Variants in MAPK10 observed in about 807,000 individuals in gnomAD.
MAPK10 encodes the protein JNK3 alpha protein kinase.
In MAPK10, 25 loss-of-function variants were observed where a neutral mutation model predicts 59.3. The observed-to-expected ratio is 0.42, with a 90% CI of 0.31 to 0.59. The LOEUF (loss-of-function observed/expected upper bound fraction) is 0.59, where lower values mean the gene tolerates loss of function less well. Ranked by LOEUF, MAPK10 falls within the 20% of genes least tolerant of loss-of-function variation. The probability of loss-of-function intolerance (pLI) is 0.15; values close to 1 mark genes in which losing one functional copy is unlikely to be tolerated. For missense variants in MAPK10, 351 were observed against 568.9 expected, an observed-to-expected ratio of 0.62 and a Z score of 3.90; for synonymous variants, 190 against 200.5, an observed-to-expected ratio of 0.95 and a Z score of 0.44.
intron 1 of MAPK10, among the ~76,000 whole-genome samples, chr4:86,576,110 G>A (rs771591099): frequency 6.6e-6 from 1 of 151,768 alleles, no homozygotes; most frequent in Non-Finnish European, 1.5e-5. Flanking sequence ...TCTCACCTCA[G>A]CCTCCTGAGT....
intron 10 of MAPK10, among the ~76,000 whole-genome samples, chr4:86,066,284 C>G (rs2046717573): frequency 6.6e-6 from 1 of 152,118 alleles, no homozygotes; most frequent in Admixed American, 6.6e-5. Context: ...TACAGAAATA[C>G]TTATACATTA....
intron 1 of MAPK10, among the ~76,000 whole-genome samples, chr4:86,477,949 CA>C (rs1209607960): frequency 6.6e-6 from 1 of 152,178 alleles, no homozygotes; most frequent in Non-Finnish European, 1.5e-5. Context: ...TGTACTGCCG[CA>C]AGGCTTCACG....
upstream of MAPK10, among the ~76,000 whole-genome samples, chr4:86,456,059 T>C (rs571757417): frequency 2.0e-5 from 3 of 152,274 alleles, no homozygotes; most frequent in South Asian, 6.2e-4. Context: ...TGTATGATCA[T>C]TGGGTCAAAA....
intron 1 of MAPK10, among the ~76,000 whole-genome samples, chr4:86,583,892 T>C (rs1399793939): frequency 6.6e-6 from 1 of 152,156 alleles, no homozygotes; most frequent in East Asian, 1.9e-4. Flanking sequence ...CCTTGTAATA[T>C]CCTGATTATC....
At chr4:86,251,051 T>G (rs1462343225) in intron 2 of MAPK10, among the ~76,000 whole-genome samples, 1 of 74,478 alleles carries the variant, frequency 1.3e-5, no homozygotes, top group African/African-American at 1.8e-4. Context: ...CAAAAGATAT[T>G]TGTTCCCACA....
chr4:86,183,135 G>GT (rs150578621), intron 3 of MAPK10, among the ~76,000 whole-genome samples: 9,836 of 141,756 alleles, frequency 0.069, 1,069 homozygotes, highest in African/African-American at 0.25. Flanking sequence ...AGTTTTGGCT[G>GT]GTTTTTTTTT....
At chr4:86,464,932 C>A (rs1471497908) in intron 1 of MAPK10, among the ~76,000 whole-genome samples, 2 of 152,186 alleles carry the variant, frequency 1.3e-5, no homozygotes, top group Admixed American at 6.5e-5. Flanking sequence ...GTTGCTAATG[C>A]AATATCTAAT....
intron 3 of MAPK10, among the ~76,000 whole-genome samples, chr4:86,174,489 A>G (rs1264287858): frequency 6.6e-6 from 1 of 152,158 alleles, no homozygotes; most frequent in Admixed American, 6.5e-5. Context: ...AAGGGAGTGC[A>G]TCAGGACAAA....
rs1167665730 is a variant in MAPK10 at position 86,237,278 on chromosome 4, T to C, written c.-6-42871A>G. Reference sequence around the variant, plus strand: ...TATTGATGGGCATTTGGGTTTGTTCTGTGTCCGTGCTATTGTAAATAGTGC... The same window carrying C: ...TATTGATGGGCATTTGGGTTTGTTCCGTGTCCGTGCTATTGTAAATAGTGC... On this transcript the variant is annotated intron_variant, in intron 2 of 13. Transcript: ENST00000641462. Among the ~76,000 whole-genome samples the C allele has an allele frequency of 2.6e-5, 4 of 152,216 alleles. No individual in the cohort carries two copies. In the East Asian group the frequency reaches 7.7e-4, roughly 29 times the overall value.
chr4:86,591,049 T>C (rs938468993), intron 1 of MAPK10, among the ~76,000 whole-genome samples: 9 of 152,196 alleles, frequency 5.9e-5, no homozygotes, highest in Non-Finnish European at 2.9e-5. Context: ...ATTTTTAAAG[T>C]ATGTCTTATA....
At chr4:86,304,558 A>C (rs2148854509) in intron 2 of MAPK10, among the ~76,000 whole-genome samples, 1 of 149,254 alleles carries the variant, frequency 6.7e-6, no homozygotes, top group African/African-American at 2.5e-5. Flanking sequence ...GCGCCCGGCT[A>C]ATTTTTTGTA....
At chr4:86,078,509 A>G (rs1208811388) in intron 9 of MAPK10, among the ~76,000 whole-genome samples, 35 of 152,182 alleles carry the variant, frequency 2.3e-4, no homozygotes, top group Non-Finnish European at 4.4e-5. Flanking sequence ...GTACCCATGG[A>G]AAGTACTAAT....
At position 86,323,104 on chromosome 4, in the gene MAPK10, G is replaced by A. The variant is rs142705318; in HGVS notation, c.-7+31426C>T. On this transcript the variant is annotated intron_variant, in intron 2 of 13. Coordinates refer to ENST00000641462, the MANE Select transcript of MAPK10 (RefSeq NM_138982.4). ...CAGGAGAATCTCTTGAACCTGGGAG[G>A]CGAAGGTTGCAGTGAGCTGAGGTTG... 2.2e-4 allele frequency among the ~76,000 whole-genome samples: 34 copies of A among 152,322 alleles called. No individual in the cohort carries two copies. In the East Asian group the frequency reaches 5.0e-3, roughly 23 times the overall value.
At chr4:86,146,911 G>T (rs1038520366) in intron 4 of MAPK10, among the ~76,000 whole-genome samples, 4 of 152,106 alleles carry the variant, frequency 2.6e-5, no homozygotes, top group Non-Finnish European at 4.4e-5. Context: ...TGATTAGATG[G>T]CAGGATCTTT....
At chr4:86,403,319 A>G (rs1743952252) in intron 1 of MAPK10, among the ~76,000 whole-genome samples, 1 of 152,172 alleles carries the variant, frequency 6.6e-6, no homozygotes, top group African/African-American at 2.4e-5. Context: ...GTTCAAGATC[A>G]GTCTAGCCAA....
intron 2 of MAPK10, among the ~76,000 whole-genome samples, chr4:86,194,824 T>C (rs1262871579): frequency 6.6e-6 from 1 of 151,846 alleles, no homozygotes; most frequent in African/African-American, 2.4e-5. Context: ...GAATTCTATA[T>C]AGGACTTGGA....
At chr4:86,413,710 G>A (rs1270043225) in intron 1 of MAPK10, among the ~76,000 whole-genome samples, 1 of 152,204 alleles carries the variant, frequency 6.6e-6, no homozygotes, top group African/African-American at 2.4e-5. Context: ...CATGTGCATG[G>A]GACCCGCCGA....
At chr4:86,332,595 G>A (rs540503388) in intron 2 of MAPK10, 4 of 152,248 alleles carry the variant, frequency 2.6e-5, no homozygotes, top group Non-Finnish European at 5.9e-5. Flanking sequence ...CCACTGTGAC[G>A]TTTGTCACAT....
At chr4:86,573,535 C>T (rs1359185459) in intron 1 of MAPK10, among the ~76,000 whole-genome samples, 1 of 152,076 alleles carries the variant, frequency 6.6e-6, no homozygotes. Flanking sequence ...GGAGGCCTTT[C>T]TTGTTTTTCT....
Sources: gnomAD v4.1 joint callset for allele counts (sites outside exome capture counted in the v4.1 genomes callset) on GRCh38, gnomAD v4.1.1 for gene constraint, MANE v1.5 for transcripts, NCBI Gene and HGNC (gene_info 2026-07-23, HGNC 2026-07-21) for gene names.